THOC5: variants seen among roughly 807,000 people sequenced by gnomAD.
The protein encoded by THOC5 is Fms-interacting protein.
THOC5 carries 43 observed loss-of-function variants against 92.9 expected under a neutral mutation model. The ratio of observed to expected loss-of-function variants is 0.46; its 90% CI spans 0.36 to 0.60. THOC5 has a LOEUF of 0.60. Among genes scored for constraint, THOC5 ranks in the 20% least tolerant of loss-of-function variants. The pLI is 0.00. For missense variants in THOC5, 659 were observed against 849.4 expected, an observed-to-expected ratio of 0.78 and a Z score of 2.79; for synonymous variants, 296 against 320.1, an observed-to-expected ratio of 0.92 and a Z score of 0.80.
rs1259919428 is a variant in THOC5, at chr22:29,539,343, C to T, written c.586G>A (p.Glu196Lys). 4 of 1,613,724 alleles carry T rather than the reference C, an allele frequency of 2.5e-6. No homozygotes were observed. In the South Asian group the frequency reaches 4.4e-5, roughly 18 times the overall value. ...QTLARLDWEL[E>K]QRKRLAEKYR... is the part of the protein sequence containing the mutation. Reference sequence around the variant, plus strand: ...AGGAAATGCTACCTTTTCCGCTGCTCCAGCTCCCAGTCCAGACGTGCCAGT... The same window carrying T: ...AGGAAATGCTACCTTTTCCGCTGCTTCAGCTCCCAGTCCAGACGTGCCAGT... Residue 196 changes from glutamate (E) to lysine (K), a missense_variant, in exon 6 of 20, where the codon GAG (glutamate) becomes AAG (lysine). By Grantham distance (56) the Glu-to-Lys change is moderately conservative. Coordinates refer to ENST00000490103, the MANE Select transcript of THOC5 (RefSeq NM_003678.5).
intron 5 of THOC5, 81 bp from the exon 6 acceptor site, chr22:29,539,557 C>T: frequency 6.8e-7 from 1 of 1,464,304 alleles, no homozygotes; most frequent in Non-Finnish European, 9.3e-7. Flanking sequence ...TTATCCCCAA[C>T]ATATGCCTGC....
Position 29,506,196 on chromosome 22 carries a change from T to C in THOC5, c.*2261A>G, listed in dbSNP as rs1275461870. ...AAAATGAAGAATGGAGTACTGATGG[T>C]GGGGTCAAGATACACTTTTTGACAA... On this transcript the variant is annotated 3_prime_UTR_variant, in exon 20 of 20. Transcript: ENST00000490103. The C allele has an allele frequency of 6.6e-6, 1 of 152,148 alleles. No individual in the cohort carries two copies. The highest frequency in any genetic ancestry group is 1.5e-5 in the Non-Finnish European group (1 of 68,022). 9.4% of individuals were successfully genotyped at this position (152,148 alleles called of 1,614,324 possible).
intron 8 of THOC5, 116 bp from the exon 9 acceptor site, chr22:29,529,355 A>C: frequency 9.6e-7 from 1 of 1,036,490 alleles, no homozygotes; most frequent in Non-Finnish European, 1.5e-6. Flanking sequence ...CTTGCTGACT[A>C]AGGGTGGAAG....
intron 8 of THOC5, chr22:29,531,473 G>A (rs906597787): frequency 9.7e-7 from 1 of 1,033,872 alleles, no homozygotes; most frequent in Non-Finnish European, 1.2e-6. Flanking sequence ...GTATTCACCA[G>A]GCACCCCCAC....
intron 2 of THOC5, 86 bp downstream of exon 2, chr22:29,548,966 G>A (rs1421989303): frequency 1.3e-5 from 17 of 1,342,910 alleles, no homozygotes; most frequent in East Asian, 2.4e-5. Flanking sequence ...TGGTAGATGC[G>A]ACCCCGAGCT....
intron 5 of THOC5, among the ~76,000 whole-genome samples, chr22:29,542,183 G>A (rs1450743264): frequency 6.6e-6 from 1 of 151,916 alleles, no homozygotes; most frequent in Non-Finnish European, 1.5e-5. Context: ...TGAACTGCTG[G>A]GACTACAGAA....
At chr22:29,535,720 G>A (rs1471183365) in intron 7 of THOC5, 2 of 152,318 alleles carry the variant, frequency 1.3e-5, no homozygotes, top group South Asian at 2.1e-4. Flanking sequence ...ATTTAACCAT[G>A]CAGAGGCTTT....
chr22:29,544,883 C>T (rs1391849182), intron 2 of THOC5, among the ~76,000 whole-genome samples: 1 of 152,164 alleles, frequency 6.6e-6, no homozygotes, highest in African/African-American at 2.4e-5. Flanking sequence ...TATAATTTCG[C>T]CTCTCAGTCC....
chr22:29,529,138 G>C, intron 9 of THOC5, 24 bp downstream of exon 9: 2 of 1,613,232 alleles, frequency 1.2e-6, no homozygotes, highest in South Asian at 2.2e-5. Context: ...GTCCCTGGGG[G>C]ACGAATCCCA....
intron 12 of THOC5, 83 bp from the exon 13 acceptor site, chr22:29,521,182 G>T: frequency 2.0e-6 from 2 of 1,006,432 alleles, no homozygotes; most frequent in South Asian, 1.3e-5. Context: ...GGATGGTAAT[G>T]CCACGTCTCA....
intron 5 of THOC5, among the ~76,000 whole-genome samples, chr22:29,542,372 A>G (rs1386935390): frequency 6.6e-6 from 1 of 152,204 alleles, no homozygotes. Flanking sequence ...TTCTTTATGC[A>G]GCCTGAAATC....
intron 5 of THOC5, among the ~76,000 whole-genome samples, chr22:29,541,892 AAATATATATAT>A (rs1236693688): frequency 2.7e-4 from 11 of 40,406 alleles, no homozygotes; most frequent in East Asian, 2.3e-3. Flanking sequence ...AAAAAAAAAA[AAATATATATAT>A]ATATATATAT....
At chr22:29,522,353 C>CT (rs1418463757) in intron 12 of THOC5, among the ~76,000 whole-genome samples, 1 of 150,372 alleles carries the variant, frequency 6.7e-6, no homozygotes, top group African/African-American at 2.5e-5. Context: ...GAGCGAGACT[C>CT]TGTCTCAAAA....
chr22:29,514,226 C>T (rs1030226685), intron 17 of THOC5, among the ~76,000 whole-genome samples: 2 of 152,088 alleles, frequency 1.3e-5, no homozygotes, highest in Non-Finnish European at 2.9e-5. Flanking sequence ...GGATTACAGG[C>T]GTGAGCCACC....
At chr22:29,529,385 G>A in intron 8 of THOC5, 146 bp from the exon 9 acceptor site, 1 of 754,862 alleles carries the variant, frequency 1.3e-6, no homozygotes, top group Non-Finnish European at 2.2e-6. Flanking sequence ...CCTTGCTCCA[G>A]ATGAAGGGAA....
chr22:29,543,626 T>C, intron 3 of THOC5, 84 bp from the exon 4 acceptor site: 2 of 986,722 alleles, frequency 2.0e-6, no homozygotes, highest in Non-Finnish European at 3.0e-6. Flanking sequence ...CCCATCCTCA[T>C]CTGGGGCCAA....
At chr22:29,548,642 G>A (rs1466887426) in intron 2 of THOC5, among the ~76,000 whole-genome samples, 1 of 152,088 alleles carries the variant, frequency 6.6e-6, no homozygotes, top group Non-Finnish European at 1.5e-5. Context: ...AAAAGAACCT[G>A]ACGACCACAT....
At chr22:29,548,924 T>A in intron 2 of THOC5, 128 bp downstream of exon 2, 1 of 728,558 alleles carries the variant, frequency 1.4e-6, no homozygotes, top group East Asian at 2.7e-5. Context: ...CCCAGTCACC[T>A]GGTCAAGTGG....
At chr22:29,509,150 AGC>A (rs1180873191) in intron 19 of THOC5, among the ~76,000 whole-genome samples, 1 of 151,702 alleles carries the variant, frequency 6.6e-6, no homozygotes, top group Non-Finnish European at 1.5e-5. Context: ...CTGACAGAGG[AGC>A]TCAGCCTGGA....
Sources: gnomAD v4.1 joint callset for allele counts (sites outside exome capture counted in the v4.1 genomes callset) on GRCh38, gnomAD v4.1.1 for gene constraint, MANE v1.5 for transcripts, NCBI Gene and HGNC (gene_info 2026-07-23, HGNC 2026-07-21) for gene names.